SLC18A1: variants seen among roughly 807,000 people sequenced by gnomAD.
SLC18A1 encodes chromaffin granule amine transporter.
A neutral mutation model predicts 53.7 loss-of-function variants in SLC18A1; 69 were observed. That is an observed-to-expected ratio of 1.28 (90% CI 1.06 to 1.57). SLC18A1 has a LOEUF of 1.57. Ranked by LOEUF, SLC18A1 falls within the 40% of genes most tolerant of loss-of-function variation. The pLI is 0.00. For synonymous variants in SLC18A1, 320 were observed against 248.1 expected (o/e 1.29, Z -2.72); for missense variants, 932 against 668.1 (o/e 1.40, Z -4.35).
At chr8:20,170,785 C>A (rs893550612) in intron 8 of SLC18A1, among the ~76,000 whole-genome samples, 12 of 151,856 alleles carry the variant, frequency 7.9e-5, no homozygotes, top group Non-Finnish European at 1.6e-4. Flanking sequence ...ATATGGAGAT[C>A]TCCAGATATA....
Position 20,179,318 on chromosome 8 carries a change from AG to A in SLC18A1, c.290del (p.Pro97LeufsTer4), listed in dbSNP as rs781175416. The A allele has an allele frequency of 1.9e-6, 3 of 1,614,070 alleles. No homozygotes were observed. Among genetic ancestry groups the A allele is most frequent in the African/African-American group, 2.7e-5 (2 of 74,926 alleles). ...TGTCATTCATCCATGCTATTCCACT[AG>A]GTACGCTTTCTTCAACAGCCACGGT... ...NNTVAVEESVPSGIAWMNDTA... is the reference protein window; with the variant it reads ...NNTVAVEESVXSGIAWMNDTA... On this transcript the variant is annotated frameshift_variant, in exon 3 of 16. Coordinates refer to ENST00000276373, the MANE Select transcript of SLC18A1 (RefSeq NM_003053.4). LOFTEE classifies it high-confidence loss of function.
intron 10 of SLC18A1, among the ~76,000 whole-genome samples, chr8:20,151,322 A>C (rs1255726732): frequency 1.4e-4 from 22 of 151,856 alleles, no homozygotes; most frequent in Admixed American, 1.4e-3. Context: ...CCAGCTCCCC[A>C]CTTAGATTCC....
At position 20,180,868 on chromosome 8, in the gene SLC18A1, G is replaced by C. The variant is rs1450079644; in HGVS notation, c.97C>G (p.Leu33Val). Reference sequence around the variant, plus strand: ...ACCACAGTAAACAGCATGTTGTCCAGGAGCAAAGCGACGAATACCACCACC... The same window carrying C: ...ACCACAGTAAACAGCATGTTGTCCACGAGCAAAGCGACGAATACCACCACC... ...VLVVVFVALL[L>V]DNMLFTVVVP... The change falls in exon 2 of 16, where the codon CTG becomes GTG. Residue 33 changes from leucine (L) to valine (V), a missense_variant. Coordinates refer to ENST00000276373, the MANE Select transcript of SLC18A1 (RefSeq NM_003053.4). 1.2e-6 allele frequency: 2 copies of C among 1,614,068 alleles called. No homozygotes were observed. The highest frequency in any genetic ancestry group is 3.3e-4 in the Middle Eastern group (2 of 6,058).
At chr8:20,149,590 CT>C in intron 12 of SLC18A1, 85 bp downstream of exon 12, 4 of 177,272 alleles carry the variant, frequency 2.3e-5, no homozygotes, top group Non-Finnish European at 2.4e-5. Flanking sequence ...CTCTCTCTCC[CT>C]CTCTCTCTCT....
intron 1 of SLC18A1, among the ~76,000 whole-genome samples, chr8:20,182,289 T>A (rs939433436): frequency 1.8e-4 from 28 of 152,318 alleles, no homozygotes; most frequent in African/African-American, 6.7e-4. Flanking sequence ...ATTATTTTTC[T>A]TAGTGAAAAA....
In SLC18A1 at chr8:20,179,160, T is replaced by G. The variant is rs1479881771; in HGVS notation, c.449A>C (p.Gln150Pro). The part of the protein sequence containing the change: ...GVLFASKAVM[Q>P]LLVNPFVGPL... ...GCCCACGAATGGGTTGACCAGAAGT[T>G]GCATCACAGCCTTTGAAGCAAACAG... Residue 150 changes from glutamine (Q) to proline (P), a missense_variant, in exon 3 of 16, where the codon CAA becomes CCA. By Grantham distance (76) the Gln-to-Pro change is moderately conservative. Transcript: ENST00000276373. The G allele has an allele frequency of 1.2e-6, 2 of 1,613,988 alleles. No individual in the cohort carries two copies. The highest frequency in any genetic ancestry group is 1.7e-4 in the Middle Eastern group (1 of 6,060).
intron 1 of SLC18A1, 110 bp from the exon 2 acceptor site, chr8:20,181,197 T>G: frequency 5.6e-6 from 2 of 358,972 alleles, no homozygotes; most frequent in Non-Finnish European, 1.0e-5. Flanking sequence ...CTCTACCTGG[T>G]TCCCAGAATG....
intron 7 of SLC18A1, 32 bp from the exon 8 acceptor site, chr8:20,171,178 G>A (rs774515604): frequency 3.5e-5 from 56 of 1,612,366 alleles, no homozygotes; most frequent in Middle Eastern, 1.6e-4. Flanking sequence ...ACAGTTCAGC[G>A]TGTCTACTGA....
chr8:20,162,853 C>T (rs1005351262), intron 10 of SLC18A1, among the ~76,000 whole-genome samples: 4 of 152,214 alleles, frequency 2.6e-5, no homozygotes, highest in Non-Finnish European at 4.4e-5. Flanking sequence ...GCCTTAACCA[C>T]AGCAATACAG....
At chr8:20,168,066 A>G (rs1197005627) in intron 8 of SLC18A1, among the ~76,000 whole-genome samples, 1 of 152,166 alleles carries the variant, frequency 6.6e-6, no homozygotes, top group Non-Finnish European at 1.5e-5. Flanking sequence ...TCAAAAAACA[A>G]TGAAGGTATG....
chr8:20,182,899 CAAAGAG>C (rs2128881945), intron 1 of SLC18A1, among the ~76,000 whole-genome samples, 158 bp downstream of exon 1: 1 of 152,218 alleles, frequency 6.6e-6, no homozygotes, highest in South Asian at 2.1e-4. Context: ...GTAAGTACTA[CAAAGAG>C]AGAGAAACAC....
chr8:20,177,054 T>G (rs896715326), intron 4 of SLC18A1, among the ~76,000 whole-genome samples: 1 of 152,238 alleles, frequency 6.6e-6, no homozygotes, highest in Admixed American at 6.5e-5. Context: ...TGCATAAAGT[T>G]GTTTGGAATA....
rs1343849317 is a variant in SLC18A1, at chr8:20,155,139, G to C, written c.1016-4395C>G. ...CTGTGAGGCCAAGAACCCCAGGTCA[G>C]AGAACAAAAGGCTCGCTGCCATCTT... On this transcript the variant is annotated intron_variant, in intron 10 of 15. Transcript: ENST00000276373. Among the ~76,000 whole-genome samples, 9 of 152,174 alleles carry C rather than the reference G, an allele frequency of 5.9e-5. No individual in the cohort carries two copies. In the South Asian group the frequency reaches 1.7e-3, roughly 28 times the overall value.
chr8:20,180,977 A>G lies in SLC18A1; in HGVS notation c.-13T>C, dbSNP rs2128881267. On this transcript the variant is annotated 5_prime_UTR_variant, in exon 2 of 16. Transcript: ENST00000276373. Reference sequence around the variant, plus strand: ...TGGTCCGGAGCATGGTGATGGCCGGACTGGGGCAGTCTTCCCCTGCGGGCT... The same window carrying G: ...TGGTCCGGAGCATGGTGATGGCCGGGCTGGGGCAGTCTTCCCCTGCGGGCT... 6.4e-7 allele frequency: 1 copy of G among 1,562,498 alleles called. No individual in the cohort carries two copies.
rs992727844 is a variant in SLC18A1, at chr8:20,171,005, C to A, written c.858+98G>T. ...GTTCTCACTTTCGCTGACCCTATTC[C>A]TCTTCACTTTTCTTCTTATGGTTTG... On this transcript the variant is annotated intron_variant, in intron 8 of 15. Coordinates refer to ENST00000276373, the MANE Select transcript of SLC18A1 (RefSeq NM_003053.4). 2.5e-5 allele frequency: 30 copies of A among 1,212,856 alleles called. No individual in the cohort carries two copies. The African/African-American group carries it at 4.5e-4, about 18-fold the overall frequency. The allele number at this position is 1,212,856 out of a possible 1,614,324, so 75.1% of individuals were successfully genotyped here.
chr8:20,178,493 C>T lies in SLC18A1; in HGVS notation c.489G>A (p.Arg163=). The T allele has an allele frequency of 6.3e-7, 1 of 1,595,586 alleles. No individual in the cohort carries two copies. The highest frequency in any genetic ancestry group is 1.1e-5 in the South Asian group (1 of 87,732). ...CAAACATGGGGATATGATATCCAATCCTAAAAGGGAATTGAAAAAAAAAAA... is the reference window on the plus strand; with the variant it reads ...CAAACATGGGGATATGATATCCAATTCTAAAAGGGAATTGAAAAAAAAAAA... ...VNPFVGPLTN[R]IGYHIPMFAG... Residue 163 remains arginine, a splice_region_variant and synonymous_variant, in exon 4 of 16, where the codon AGG becomes AGA. Coordinates refer to ENST00000276373, the MANE Select transcript of SLC18A1 (RefSeq NM_003053.4).
At chr8:20,154,868 C>A (rs1376438029) in intron 10 of SLC18A1, among the ~76,000 whole-genome samples, 1 of 152,146 alleles carries the variant, frequency 6.6e-6, no homozygotes, top group Admixed American at 6.5e-5. Flanking sequence ...CATCACAGAC[C>A]CACCATTGAC....
At position 20,153,401 on chromosome 8, in the gene SLC18A1, G is replaced by A. The variant is rs2071607699; in HGVS notation, c.1016-2657C>T. Among the ~76,000 whole-genome samples, 8 of 151,810 alleles carry A rather than the reference G, an allele frequency of 5.3e-5. No individual in the cohort carries two copies. The South Asian group carries it at 1.7e-3, about 32-fold the overall frequency. On this transcript the variant is annotated intron_variant, in intron 10 of 15. Coordinates refer to ENST00000276373, the MANE Select transcript of SLC18A1 (RefSeq NM_003053.4). ...GAAAGAAAGAAGTGAGGACAGGCTG[G>A]GCGCTGTGGCTCACGCCTGTAATCC...
rs148691286 is a variant in SLC18A1, at chr8:20,158,465, A to C, written c.1015+6404T>G. Among the ~76,000 whole-genome samples the C allele has an allele frequency of 3.0e-4, 45 of 152,300 alleles. 1 individual carries two copies. The East Asian group carries it at 6.6e-3, about 22-fold the overall frequency. Reference sequence around the variant, plus strand: ...TGCTTGAGGAGGGAATTAATCCTGAAGTCTGGGCAACAGAAGGACAATATG... The same window carrying C: ...TGCTTGAGGAGGGAATTAATCCTGACGTCTGGGCAACAGAAGGACAATATG... On this transcript the variant is annotated intron_variant, in intron 10 of 15. Coordinates refer to ENST00000276373, the MANE Select transcript of SLC18A1 (RefSeq NM_003053.4).
Sources: gnomAD v4.1 joint callset for allele counts (sites outside exome capture counted in the v4.1 genomes callset) on GRCh38, gnomAD v4.1.1 for gene constraint, MANE v1.5 for transcripts, NCBI Gene and HGNC (gene_info 2026-07-23, HGNC 2026-07-21) for gene names.